The following HCN1 variants were observed in gnomAD, a reference collection of about 807,000 sequenced individuals.
HCN1 encodes hyperpolarization activated cyclic nucleotide gated potassium channel 1, also known as potassium/sodium hyperpolarization-activated cyclic nucleotide-gated channel 1.
A neutral mutation model predicts 78.9 loss-of-function variants in HCN1; 13 were observed. The observed-to-expected ratio is 0.16, with a 90% CI of 0.11 to 0.26. The LOEUF is 0.26. Among genes scored for constraint, HCN1 ranks in the 10% least tolerant of loss-of-function variants. HCN1 has a pLI of 1.00. For synonymous variants in HCN1, 552 were observed against 455.5 expected (o/e 1.21, Z -2.70); for missense variants, 810 against 1,154.3 (o/e 0.70, Z 4.32).
At chr5:45,664,404 A>C (rs1745990072) in intron 1 of HCN1, among the ~76,000 whole-genome samples, 1 of 146,196 alleles carries the variant, frequency 6.8e-6, no homozygotes. Flanking sequence ...ACATGTATAC[A>C]TATGTAACTA....
intron 1 of HCN1, among the ~76,000 whole-genome samples, chr5:45,647,345 A>G (rs1225829110): frequency 1.3e-5 from 2 of 152,120 alleles, no homozygotes; most frequent in Non-Finnish European, 2.9e-5. Context: ...TGTAACAGCT[A>G]TTTCACAAAG....
At chr5:45,343,098 T>C (rs1746619104) in intron 5 of HCN1, among the ~76,000 whole-genome samples, 1 of 152,134 alleles carries the variant, frequency 6.6e-6, no homozygotes, top group African/African-American at 2.4e-5. Flanking sequence ...ACACATGTGG[T>C]AAAGGTGAGA....
At chr5:45,359,404 CAAA>C (rs71000628) in intron 4 of HCN1, among the ~76,000 whole-genome samples, 11 of 143,144 alleles carry the variant, frequency 7.7e-5, no homozygotes, top group African/African-American at 2.6e-4. Flanking sequence ...CAGGAAGCAT[CAAA>C]AAAAAAAAAA....
At chr5:45,465,052 C>G (rs1270671309) in intron 2 of HCN1, among the ~76,000 whole-genome samples, 1 of 152,058 alleles carries the variant, frequency 6.6e-6, no homozygotes, top group East Asian at 1.9e-4. Flanking sequence ...GGTGGACATT[C>G]TTAAGTAATA....
chr5:45,457,695 C>G (rs1168933000), intron 3 of HCN1, among the ~76,000 whole-genome samples: 1 of 152,122 alleles, frequency 6.6e-6, no homozygotes, highest in South Asian at 2.1e-4. Flanking sequence ...TATCCAAGAT[C>G]TTTTAAAGTT....
intron 6 of HCN1, among the ~76,000 whole-genome samples, chr5:45,272,228 G>T (rs1744973897): frequency 6.6e-6 from 1 of 151,964 alleles, no homozygotes; most frequent in Non-Finnish European, 1.5e-5. Flanking sequence ...CAGAGTTTTG[G>T]TGTATTTGCC....
At chr5:45,445,191 A>G (rs13169640) in intron 3 of HCN1, among the ~76,000 whole-genome samples, 75,725 of 152,098 alleles carry the variant, frequency 0.5, 20,169 homozygotes, top group African/African-American at 0.69. Flanking sequence ...CGAATACTGC[A>G]CTTTTCTGAC....
intron 1 of HCN1, among the ~76,000 whole-genome samples, chr5:45,685,846 G>A (rs1477408522): frequency 6.6e-6 from 1 of 152,150 alleles, no homozygotes. Flanking sequence ...GGAAATAGCA[G>A]CACACCATTT....
At chr5:45,608,556 A>C (rs113659993) in intron 2 of HCN1, among the ~76,000 whole-genome samples, 1 of 152,022 alleles carries the variant, frequency 6.6e-6, no homozygotes, top group African/African-American at 2.4e-5. Flanking sequence ...GTGTTAGCAC[A>C]CTTACAAAGA....
At chr5:45,523,032 C>T (rs1379876178) in intron 2 of HCN1, among the ~76,000 whole-genome samples, 1 of 151,632 alleles carries the variant, frequency 6.6e-6, no homozygotes, top group African/African-American at 2.4e-5. Context: ...CAACAGTCCC[C>T]AGAGTGTGAT....
At chr5:45,277,249 G>A (rs1194040796) in intron 6 of HCN1, among the ~76,000 whole-genome samples, 3 of 151,970 alleles carry the variant, frequency 2.0e-5, no homozygotes, top group Non-Finnish European at 4.4e-5. Flanking sequence ...CATAATACAG[G>A]CATATTTATC....
chr5:45,307,204 C>G (rs1745754147), intron 5 of HCN1, among the ~76,000 whole-genome samples: 1 of 152,020 alleles, frequency 6.6e-6, no homozygotes, highest in Admixed American at 6.6e-5. Flanking sequence ...ACATACAAAT[C>G]TAAATGATTG....
chr5:45,273,251 A>G (rs1427209276), intron 6 of HCN1, among the ~76,000 whole-genome samples: 1 of 152,128 alleles, frequency 6.6e-6, no homozygotes, highest in East Asian at 1.9e-4. Flanking sequence ...GTATAGGAAC[A>G]TAGACAACTC....
chr5:45,569,427 A>C (rs1030567112), intron 2 of HCN1, among the ~76,000 whole-genome samples: 4 of 152,176 alleles, frequency 2.6e-5, no homozygotes, highest in Admixed American at 1.3e-4. Context: ...TGAGAAATTC[A>C]GAAATAAGAC....
At chr5:45,278,380 T>A (rs1446533698) in intron 6 of HCN1, among the ~76,000 whole-genome samples, 2 of 152,126 alleles carry the variant, frequency 1.3e-5, no homozygotes, top group East Asian at 3.9e-4. Context: ...TGGGAATCAA[T>A]CTTTGTGCAA....
intron 2 of HCN1, among the ~76,000 whole-genome samples, chr5:45,520,575 TATC>T: frequency 6.6e-6 from 1 of 152,054 alleles, no homozygotes; most frequent in Non-Finnish European, 1.5e-5. Context: ...CTGACCCTAT[TATC>T]TTTTGAATTT....
chr5:45,602,434 AG>A (rs1233237382), intron 2 of HCN1, among the ~76,000 whole-genome samples: 1 of 152,128 alleles, frequency 6.6e-6, no homozygotes, highest in African/African-American at 2.4e-5. Flanking sequence ...CCAAGGGAAG[AG>A]GCTTCAAAAG....
At chr5:45,447,604 C>T (rs1740826220) in intron 3 of HCN1, among the ~76,000 whole-genome samples, 1 of 152,158 alleles carries the variant, frequency 6.6e-6, no homozygotes, top group South Asian at 2.1e-4. Context: ...AAGATGTCCT[C>T]TTACATATCT....
chr5:45,295,068 A>G (rs1462071679), intron 6 of HCN1, among the ~76,000 whole-genome samples: 1 of 151,886 alleles, frequency 6.6e-6, no homozygotes, highest in African/African-American at 2.4e-5. Context: ...AATCAAAACC[A>G]TCACTCCTTG....
Sources: gnomAD v4.1 joint callset for allele counts (sites outside exome capture counted in the v4.1 genomes callset) on GRCh38, gnomAD v4.1.1 for gene constraint, MANE v1.5 for transcripts, NCBI Gene and HGNC (gene_info 2026-07-23, HGNC 2026-07-21) for gene names.